The following ATM variants were observed in gnomAD, a reference collection of about 807,000 sequenced individuals.
ATM encodes ATM serine/threonine kinase.
ATM carries 308 observed loss-of-function variants against 387.0 expected under a neutral mutation model. The ratio of observed to expected loss-of-function variants is 0.80; its 90% CI spans 0.73 to 0.87. The LOEUF is 0.87. Ranked by LOEUF, ATM falls within the 40% of genes least tolerant of loss-of-function variation. The pLI, the probability that ATM is intolerant of heterozygous loss-of-function variation, is 0.00. For missense variants in ATM, 3,312 were observed against 3,560.9 expected, an observed-to-expected ratio of 0.93 and a Z score of 1.78; for synonymous variants, 1,156 against 1,187.3, an observed-to-expected ratio of 0.97 and a Z score of 0.54.
In ATM at chr11:108,251,760, C is replaced by T; in HGVS notation, c.1608-77C>T. On this transcript the variant is annotated intron_variant, in intron 10 of 62. Transcript: ENST00000675843. ...AGTCACCTTAACTAAATGTATGTGC[C>T]AGGCACTGTCCTGATAGATAAAGTC... is the stretch of plus-strand genomic sequence containing the variant. 3 of 1,373,106 alleles carry T rather than the reference C, an allele frequency of 2.2e-6. No individual in the cohort carries two copies. The East Asian group carries it at 6.9e-5, about 32-fold the overall frequency. 85.1% of individuals were successfully genotyped at this position (1,373,106 alleles called of 1,614,324 possible). A position where few individuals can be genotyped will look rare whatever the true frequency, so the allele number is the denominator to read the frequency against.
At chr11:108,234,607 C>T (rs926267912) in intron 4 of ATM, among the ~76,000 whole-genome samples, 2 of 152,116 alleles carry the variant, frequency 1.3e-5, no homozygotes, top group African/African-American at 4.8e-5. Flanking sequence ...GAGGCCAAGA[C>T]AGGAGAATCC....
rs2081639925 is a variant in ATM, at chr11:108,272,549, G to A, written c.3095G>A (p.Arg1032Lys). The A allele has an allele frequency of 1.2e-6, 2 of 1,613,092 alleles. No homozygotes were observed. Among genetic ancestry groups the A allele is most frequent in the Non-Finnish European group, 8.5e-7 (1 of 1,179,214 alleles). The change falls in exon 21 of 63, where the codon AGG (arginine) becomes AAG (lysine). Residue 1032 changes from arginine to lysine, a missense_variant. Transcript: ENST00000675843. ...GATTTCAGGCATCTAACAAAGGAGA[G>A]GAAATATATATTCTCTGTAAGAATG... ...IGAFWHLTKE[R>K]KYIFSVRMAL...
Position 108,268,533 on chromosome 11 carries a change from C to G in ATM, c.2762C>G (p.Ala921Gly), listed in dbSNP as rs1555083332. 1 of 1,614,094 alleles carries G rather than the reference C, an allele frequency of 6.2e-7. No homozygotes were observed. The highest frequency in any genetic ancestry group is 8.5e-7 in the Non-Finnish European group (1 of 1,180,002). The part of the protein sequence containing the change: ...AQTNTVSFRA[A>G]DIRRKLLMLI... ...ACCAATACTGTGTCCTTTAGGGCAG[C>G]TGATATTCGGAGGAAATTGTTAATG... Residue 921 changes from alanine to glycine, a missense_variant, in exon 18 of 63, where the codon GCT becomes GGT. Around this residue, in one of 4 missense-constraint regions of ATM, gnomAD observed 1,791 missense variants for 1,804.5 expected, o/e 0.99. Coordinates refer to ENST00000675843, the MANE Select transcript of ATM (RefSeq NM_000051.4).
chr11:108,237,899 G>GTTCTTTTTTTT (rs2079361677), intron 5 of ATM, among the ~76,000 whole-genome samples: 1 of 92,046 alleles, frequency 1.1e-5, no homozygotes, highest in African/African-American at 4.7e-5. Flanking sequence ...ATTTACTTAG[G>GTTCTTTTTTTT]TTTTTTTTTT....
chr11:108,333,932 T>C lies in ATM; in HGVS notation c.7974T>C (p.Asn2658=), dbSNP rs777548685. Residue 2658 remains asparagine (N), a synonymous_variant, in exon 54 of 63, where the codon AAT becomes AAC. Transcript: ENST00000675843. ...ACCAGCCAATTACTAAACTTAAGAA[T>C]TTAGAAGATGTTGTTGTCCCTACTA... ...PADQPITKLK[N]LEDVVVPTME... is the part of the protein sequence containing the mutation. 5 of 1,611,834 alleles carry C rather than the reference T, an allele frequency of 3.1e-6. No individual in the cohort carries two copies. The East Asian group carries it at 1.1e-4, about 36-fold the overall frequency.
intron 16 of ATM, among the ~76,000 whole-genome samples, chr11:108,264,812 AT>A (rs2081124308): frequency 1.0e-5 from 1 of 99,092 alleles, no homozygotes; most frequent in African/African-American, 4.0e-5. Context: ...ATGTACAAAA[AT>A]CACAAGCATT....
At position 108,304,866 on chromosome 11, in the gene ATM, T is replaced by A. The variant is rs2083608444; in HGVS notation, c.5674+14T>A. 1 of 1,612,362 alleles carries A rather than the reference T, an allele frequency of 6.2e-7. No homozygotes were observed. The highest frequency in any genetic ancestry group is 8.5e-7 in the Non-Finnish European group (1 of 1,179,042). ...ACTTGGATTCAGGTATTCTATTAAA[T>A]TTTTAACATTAATACTGTAAACTCA... On this transcript the variant is annotated intron_variant, in intron 37 of 62. Coordinates refer to ENST00000675843, the MANE Select transcript of ATM (RefSeq NM_000051.4).
intron 22 of ATM, among the ~76,000 whole-genome samples, chr11:108,276,126 A>G (rs1344647020): frequency 6.6e-6 from 1 of 152,094 alleles, no homozygotes; most frequent in Non-Finnish European, 1.5e-5. Context: ...AATCTCTGAT[A>G]TCCTTTCTTC....
At chr11:108,258,388 A>G (rs1393287764) in intron 15 of ATM, among the ~76,000 whole-genome samples, 1 of 152,176 alleles carries the variant, frequency 6.6e-6, no homozygotes, top group Non-Finnish European at 1.5e-5. Flanking sequence ...GGACACTTTC[A>G]TTCATTTAAT....
intron 54 of ATM, 141 bp from the exon 55 acceptor site, chr11:108,334,828 C>A: frequency 1.0e-6 from 1 of 962,976 alleles, no homozygotes; most frequent in Non-Finnish European, 1.6e-6. Context: ...CCACACCCGG[C>A]CTAAAGTTGT....
At position 108,245,006 on chromosome 11, in the gene ATM, G is replaced by T. The variant is rs1370428326; in HGVS notation, c.881G>T (p.Gly294Val). ...QLQIYIHHPK[G>V]AKTQEKGAYE... ...CAAATTTATATCCATCATCCGAAAGGAGCCAAAACCCAAGAAAAAGGTATA... is the reference window on the plus strand; with the variant it reads ...CAAATTTATATCCATCATCCGAAAGTAGCCAAAACCCAAGAAAAAGGTATA... Residue 294 changes from glycine (G) to valine (V), a missense_variant, in exon 7 of 63, where the codon GGA (glycine) becomes GTA (valine). Physicochemically the swap from Gly to Val is moderately radical, Grantham distance 109. Coordinates refer to ENST00000675843, the MANE Select transcript of ATM (RefSeq NM_000051.4). The T allele has an allele frequency of 1.2e-6, 2 of 1,610,174 alleles. No individual in the cohort carries two copies. The highest frequency in any genetic ancestry group is 1.1e-5 in the South Asian group (1 of 91,048).
intron 13 of ATM, among the ~76,000 whole-genome samples, chr11:108,255,183 A>G (rs1228793119): frequency 1.3e-5 from 2 of 152,210 alleles, no homozygotes; most frequent in African/African-American, 4.8e-5. Flanking sequence ...ATCCATTCAA[A>G]GGAGTGAATT....
chr11:108,287,822 T>G, intron 27 of ATM, 107 bp downstream of exon 27: 1 of 789,788 alleles, frequency 1.3e-6, no homozygotes, highest in South Asian at 1.6e-5. Flanking sequence ...ACATCACTCT[T>G]TTTAAAAAAT....
intron 35 of ATM, 137 bp from the exon 36 acceptor site, chr11:108,302,716 A>G: frequency 1.2e-6 from 1 of 835,674 alleles, no homozygotes; most frequent in Non-Finnish European, 1.8e-6. Context: ...TCATCTTAAA[A>G]GGTAAACATT....
At chr11:108,237,601 T>C (rs1192496459) in intron 5 of ATM, among the ~76,000 whole-genome samples, 3 of 152,178 alleles carry the variant, frequency 2.0e-5, no homozygotes, top group Non-Finnish European at 2.9e-5. Flanking sequence ...AGATGAGGAC[T>C]CTGTGGAAGA....
chr11:108,335,320 G>A (rs1355797396), intron 55 of ATM: 1 of 1,446,376 alleles, frequency 6.9e-7, no homozygotes. Flanking sequence ...TTATATGGTT[G>A]ATTCAAGTAA....
intron 38 of ATM, chr11:108,308,896 G>T: frequency 1.2e-6 from 1 of 849,750 alleles, no homozygotes; most frequent in Non-Finnish European, 1.9e-6. Flanking sequence ...CCTATCAGAA[G>T]CTTTAATGTA....
chr11:108,343,254 T>C lies in ATM; in HGVS notation c.8301T>C (p.Leu2767=), dbSNP rs1060504303. The part of the protein sequence containing the change: ...VVPLSQRSGV[L]EWCTGTVPIG... ...CCCTCTCTCAGCGAAGTGGTGTTCT[T>C]GAATGGTGCACAGGAACTGTCCCCA... The change falls in exon 57 of 63, where the codon CTT becomes CTC. Residue 2767 remains leucine, a synonymous_variant. Coordinates refer to ENST00000675843, the MANE Select transcript of ATM (RefSeq NM_000051.4). 1 of 1,614,052 alleles carries C rather than the reference T, an allele frequency of 6.2e-7. No homozygotes were observed. The highest frequency in any genetic ancestry group is 8.5e-7 in the Non-Finnish European group (1 of 1,179,938).
chr11:108,305,206 C>T (rs1400104594), intron 37 of ATM, among the ~76,000 whole-genome samples: 1 of 152,154 alleles, frequency 6.6e-6, no homozygotes, highest in Non-Finnish European at 1.5e-5. Context: ...AAAAAACAAA[C>T]ACAATCAGAT....
Sources: gnomAD v4.1 joint callset for allele counts (sites outside exome capture counted in the v4.1 genomes callset) on GRCh38, gnomAD v4.1.1 for gene constraint, gnomAD v4.1.1 regional missense constraint, MANE v1.5 for transcripts, NCBI Gene and HGNC (gene_info 2026-07-23, HGNC 2026-07-21) for gene names.